Variants in IMPA1 observed in about 807,000 individuals in gnomAD.
IMPA1 encodes inositol monophosphatase 1.
Under a neutral mutation model 34.9 loss-of-function variants are expected in IMPA1, and 21 were observed. The ratio of observed to expected loss-of-function variants is 0.60; its 90% CI spans 0.43 to 0.87. The LOEUF (loss-of-function observed/expected upper bound fraction) is 0.87, where lower values mean the gene tolerates loss of function less well. Ranked by LOEUF, IMPA1 falls within the 40% of genes least tolerant of loss-of-function variation. The pLI, the probability that IMPA1 is intolerant of heterozygous loss-of-function variation, is 0.00. For missense variants in IMPA1, 299 were observed against 336.4 expected (o/e 0.89, Z 0.87); for synonymous variants, 95 against 104.4 (o/e 0.91, Z 0.55).
At chr8:81,685,922 G>C in intron 1 of IMPA1, 1 of 1,543,016 alleles carries the variant, frequency 6.5e-7, no homozygotes. Context: ...CCATCACTTA[G>C]AGTGACTACC....
At chr8:81,683,236 AG>A (rs1807351986) in intron 1 of IMPA1, among the ~76,000 whole-genome samples, 2 of 152,270 alleles carry the variant, frequency 1.3e-5, no homozygotes, top group East Asian at 1.9e-4. Flanking sequence ...CATCCTCTAC[AG>A]GGGGGCCTTA....
In IMPA1 at chr8:81,686,263, G is replaced by A. The variant is rs1807523332; in HGVS notation, c.-36C>T. 16 of 1,004,116 alleles carry A rather than the reference G, an allele frequency of 1.6e-5. No homozygotes were observed. Among genetic ancestry groups the A allele is most frequent in the Non-Finnish European group, 1.9e-5 (16 of 840,940 alleles). 62.2% of individuals were successfully genotyped at this position (1,004,116 alleles called of 1,614,324 possible). ...AATAACGGTCTCACCTTGAGTCGGA[G>A]GACGTCCGGCTAGCTCTGTGAACGG... On this transcript the variant is annotated 5_prime_UTR_variant, in exon 1 of 9. Coordinates refer to ENST00000256108, the MANE Select transcript of IMPA1 (RefSeq NM_005536.4).
At chr8:81,673,083 A>T (rs931267089) in intron 6 of IMPA1, among the ~76,000 whole-genome samples, 1 of 152,162 alleles carries the variant, frequency 6.6e-6, no homozygotes, top group African/African-American at 2.4e-5. Flanking sequence ...CCTCCCTTAC[A>T]ATTTGCCCAC....
chr8:81,680,555 T>C, intron 3 of IMPA1, 95 bp downstream of exon 3: 3 of 909,180 alleles, frequency 3.3e-6, no homozygotes, highest in Non-Finnish European at 5.1e-6. Flanking sequence ...ATGGAAGACC[T>C]TGGCAAGAAC....
At chr8:81,678,091 A>G (rs779748712) in intron 4 of IMPA1, among the ~76,000 whole-genome samples, 12 of 152,228 alleles carry the variant, frequency 7.9e-5, no homozygotes, top group Non-Finnish European at 1.2e-4. Flanking sequence ...GTGGCCTAGA[A>G]AAGTTAACTA....
chr8:81,661,103 T>C (rs1392572613), intron 7 of IMPA1, among the ~76,000 whole-genome samples: 1 of 152,188 alleles, frequency 6.6e-6, no homozygotes, highest in Non-Finnish European at 1.5e-5. Context: ...GCGTCATACA[T>C]GTGCCTAAAG....
At chr8:81,680,862 A>G in intron 2 of IMPA1, 79 bp from the exon 3 acceptor site, 1 of 1,033,478 alleles carries the variant, frequency 9.7e-7, no homozygotes, top group East Asian at 2.4e-5. Context: ...GGTTTAAGAC[A>G]TTCAATCTGT....
chr8:81,676,476 T>TAC (rs981915942), intron 4 of IMPA1, among the ~76,000 whole-genome samples, 197 bp from the exon 5 acceptor site: 1 of 152,046 alleles, frequency 6.6e-6, no homozygotes, highest in Non-Finnish European at 1.5e-5. Flanking sequence ...GGAGGTATTA[T>TAC]ACACACACAC....
chr8:81,673,828 G>A lies in IMPA1; in HGVS notation c.457+13C>T. ...ACAATATGAATAGCATCAAAAATTG[G>A]AATTAATCCTACCTTCTTGTTGTGA... On this transcript the variant is annotated intron_variant, in intron 6 of 8. Transcript: ENST00000256108. 2 of 1,447,742 alleles carry A rather than the reference G, an allele frequency of 1.4e-6. No individual in the cohort carries two copies. The highest frequency in any genetic ancestry group is 1.9e-6 in the Non-Finnish European group (2 of 1,029,664). The allele number at this position is 1,447,742 out of a possible 1,614,324, so 89.7% of individuals were successfully genotyped here. A position where few individuals can be genotyped will look rare whatever the true frequency, so the allele number is the denominator to read the frequency against.
chr8:81,675,873 T>TA (rs1807117173), intron 5 of IMPA1, among the ~76,000 whole-genome samples: 1 of 152,218 alleles, frequency 6.6e-6, no homozygotes, highest in Non-Finnish European at 1.5e-5. Flanking sequence ...ATTTCTTCAC[T>TA]AACACCTACT....
intron 2 of IMPA1, 90 bp downstream of exon 2, chr8:81,681,408 C>T: frequency 2.6e-6 from 2 of 780,444 alleles, no homozygotes; most frequent in East Asian, 5.3e-5. Context: ...AAAAAGAAAC[C>T]AAATCGAAAC....
At chr8:81,678,974 C>T in intron 4 of IMPA1, 152 bp downstream of exon 4, 1 of 558,384 alleles carries the variant, frequency 1.8e-6, no homozygotes. Context: ...ACATTTTGCT[C>T]CACTTTTACA....
chr8:81,660,724 T>C, intron 7 of IMPA1, 57 bp from the exon 8 acceptor site: 1 of 1,424,200 alleles, frequency 7.0e-7, no homozygotes, highest in Non-Finnish European at 9.7e-7. Context: ...AAGTAAGATA[T>C]TCCTCCTTAA....
At chr8:81,682,203 G>A (rs1182996387) in intron 1 of IMPA1, among the ~76,000 whole-genome samples, 5 of 150,582 alleles carry the variant, frequency 3.3e-5, no homozygotes, top group Admixed American at 6.6e-5. Flanking sequence ...TTCACAGAGG[G>A]AAAAAAAAAC....
intron 7 of IMPA1, among the ~76,000 whole-genome samples, chr8:81,660,918 T>TA (rs1173635426): frequency 3.9e-5 from 6 of 152,278 alleles, no homozygotes; most frequent in African/African-American, 1.4e-4. Context: ...TAATTTTTCA[T>TA]AAAAAATAAA....
At chr8:81,675,184 C>G (rs115548051) in intron 5 of IMPA1, among the ~76,000 whole-genome samples, 1 of 152,100 alleles carries the variant, frequency 6.6e-6, no homozygotes, top group Non-Finnish European at 1.5e-5. Context: ...ATTCCCCACA[C>G]GTATAATGGT....
At chr8:81,676,362 GTTCTTAAAA>G (rs1278816339) in intron 4 of IMPA1, 83 bp from the exon 5 acceptor site, 35 of 647,186 alleles carry the variant, frequency 5.4e-5, no homozygotes, top group Non-Finnish European at 8.6e-5. Context: ...TAATATAAGT[GTTCTTAAAA>G]TTTTTCCTAT....
At position 81,675,604 on chromosome 8, in the gene IMPA1, A is replaced by G. The variant is rs529901800; in HGVS notation, c.348+630T>C. On this transcript the variant is annotated intron_variant, in intron 5 of 8. Transcript: ENST00000256108. ...GTGTTTTATATTCAGAAATGTTATA[A>G]CTGCTGTTATACATGTTGATCTTAC... 2.6e-5 allele frequency among the ~76,000 whole-genome samples: 4 copies of G among 152,310 alleles called. No individual in the cohort carries two copies. The East Asian group carries it at 7.7e-4, about 29-fold the overall frequency.
At chr8:81,668,833 C>T (rs1193010825) in intron 7 of IMPA1, among the ~76,000 whole-genome samples, 2 of 152,130 alleles carry the variant, frequency 1.3e-5, no homozygotes, top group Non-Finnish European at 2.9e-5. Context: ...CCTCCCTTTA[C>T]AGGCCCAAAG....
Sources: allele counts gnomAD v4.1 joint callset (sites outside exome capture counted in the v4.1 genomes callset), GRCh38; gene constraint gnomAD v4.1.1; transcripts MANE v1.5; gene names NCBI Gene and HGNC (gene_info 2026-07-23, HGNC 2026-07-21).